The following PILRB variants were observed in gnomAD, a reference collection of about 807,000 sequenced individuals.
PILRB encodes paired immunoglobin like type 2 receptor beta, also known as paired immunoglobulin-like type 2 receptor beta.
In PILRB, 21 loss-of-function variants were observed where a neutral mutation model predicts 20.5. The ratio of observed to expected loss-of-function variants is 1.02; its 90% CI spans 0.72 to 1.47. The LOEUF is 1.47. PILRB is among the 40% of genes most tolerant of loss of function. PILRB has a pLI of 0.00. For missense variants in PILRB, 253 were observed against 272.1 expected (o/e 0.93, Z 0.49); for synonymous variants, 133 against 115.1 (o/e 1.16, Z -0.99).
At chr7:100,362,608 A>G (rs1790560770) in intron 3 of PILRB, among the ~76,000 whole-genome samples, 1 of 151,936 alleles carries the variant, frequency 6.6e-6, no homozygotes, top group Non-Finnish European at 1.5e-5. Flanking sequence ...TCCCGGGTTC[A>G]AGCGATTCTT....
chr7:100,365,011 T>C (rs1790636498), intron 3 of PILRB, among the ~76,000 whole-genome samples: 1 of 152,152 alleles, frequency 6.6e-6, no homozygotes, highest in Admixed American at 6.6e-5. Flanking sequence ...ATTTAGTTAT[T>C]TATTTTGAGA....
At chr7:100,364,716 A>C (rs1334958825) in intron 3 of PILRB, among the ~76,000 whole-genome samples, 3 of 152,200 alleles carry the variant, frequency 2.0e-5, no homozygotes, top group Admixed American at 2.0e-4. Context: ...TATCCAACCA[A>C]TTGAAAGCAG....
At chr7:100,360,083 A>G (rs1441223862) in intron 3 of PILRB, among the ~76,000 whole-genome samples, 1 of 152,124 alleles carries the variant, frequency 6.6e-6, no homozygotes, top group African/African-American at 2.4e-5. Flanking sequence ...GGATCCCCCC[A>G]ACTTCTCTCT....
At chr7:100,360,612 C>T (rs186745395) in intron 3 of PILRB, among the ~76,000 whole-genome samples, 32 of 152,092 alleles carry the variant, frequency 2.1e-4, no homozygotes, top group Non-Finnish European at 3.8e-4. Flanking sequence ...CCAGAGGCAG[C>T]GTGAGGCAGC....
At position 100,358,282 on chromosome 7, in the gene PILRB, C is replaced by G. The variant is rs373007055; in HGVS notation, c.-21C>G. 3 of 1,611,904 alleles carry G rather than the reference C, an allele frequency of 1.9e-6. No homozygotes were observed. The highest frequency in any genetic ancestry group is 3.3e-5 in the Admixed American group (2 of 59,992). On this transcript the variant is annotated 5_prime_UTR_variant, in exon 1 of 4. Coordinates refer to ENST00000609309, the MANE Select transcript of PILRB (RefSeq NM_178238.4). Reference sequence around the variant, plus strand: ...TGGACAGCTCTGCTGGTCTCCCCGTCCCCTGGAGAAGAACAAGGCCATGGG... The same window carrying G: ...TGGACAGCTCTGCTGGTCTCCCCGTGCCCTGGAGAAGAACAAGGCCATGGG...
rs765319260 is a variant in PILRB at position 100,358,733 on chromosome 7, T to C, written c.108T>C (p.Thr36=). 1 of 1,613,890 alleles carries C rather than the reference T, an allele frequency of 6.2e-7. No individual in the cohort carries two copies. ...GSGPSYLYGV[T]QPKHLSASMG... ...GTCCAAGCTACCTTTATGGGGTCAC[T>C]CAACCAAAACACCTCTCAGCCTCCA... Residue 36 remains threonine, a synonymous_variant, in exon 2 of 4, where the codon ACT becomes ACC. Transcript: ENST00000609309.
rs1790670903 is a variant in PILRB at position 100,365,949 on chromosome 7, G to GTTTTATT, written c.656-1396_656-1395insATTTTTT. ...TGGTTAGGATGGTAAATTCTAGGTG[G>GTTTTATT]TTTTTTTTTTTTTTTTTTTTTTTAG... On this transcript the variant is annotated intron_variant, in intron 3 of 3. Transcript: ENST00000609309. Among the ~76,000 whole-genome samples the GTTTTATT allele has an allele frequency of 2.3e-5, 3 of 127,824 alleles. No individual in the cohort carries two copies. The Admixed American group carries it at 2.4e-4, about 10-fold the overall frequency. The allele number at this position is 127,824 out of a possible 152,430, so 83.9% of individuals were successfully genotyped here.
chr7:100,358,479 A>G, intron 1 of PILRB, 113 bp downstream of exon 1: 1 of 1,371,026 alleles, frequency 7.3e-7, no homozygotes, highest in South Asian at 1.3e-5. Flanking sequence ...TCCAGCAAAC[A>G]AGGGCGGGTC....
intron 2 of PILRB, 125 bp downstream of exon 2, chr7:100,359,204 C>T: frequency 6.7e-7 from 1 of 1,501,450 alleles, no homozygotes; most frequent in Non-Finnish European, 9.2e-7. Context: ...CTTGCTACCC[C>T]TTCCATGTCT....
chr7:100,358,693 G>A lies in PILRB; in HGVS notation c.68G>A (p.Gly23Asp), dbSNP rs749336796. Residue 23 changes from glycine to aspartate, a missense_variant, in exon 2 of 4, where the codon GGC (glycine) becomes GAC (aspartate). Coordinates refer to ENST00000609309, the MANE Select transcript of PILRB (RefSeq NM_178238.4). ...ACTCACTCCCTCCTTCCTCTAGGTG[G>A]CTCCACAGGATCTGGTCCAAGCTAC... ...LQPPAFLQPG[G>D]STGSGPSYLY... 2.5e-6 allele frequency: 4 copies of A among 1,613,312 alleles called. No individual in the cohort carries two copies. In the South Asian group the frequency reaches 4.4e-5, roughly 18 times the overall value.
chr7:100,366,692 C>G (rs1274410412), intron 3 of PILRB, among the ~76,000 whole-genome samples: 3 of 151,818 alleles, frequency 2.0e-5, no homozygotes, highest in Admixed American at 6.6e-5. Flanking sequence ...CAGAAGGAAA[C>G]CACAGGCGCG....
rs1427275610 is a variant in PILRB at position 100,359,527 on chromosome 7, G to A, written c.645G>A (p.Arg215=). The change falls in exon 3 of 4, where the codon AGG becomes AGA. Residue 215 remains arginine (R), a synonymous_variant. Coordinates refer to ENST00000609309, the MANE Select transcript of PILRB (RefSeq NM_178238.4). The part of the protein sequence containing the change: ...GLLCLLLLWW[R]RRKGSRAPSS... The stretch of plus-strand genomic sequence containing the variant: ...TGTGCCTCCTCCTCCTGTGGTGGAG[G>A]AGAAGGAAAGGTAAGTGCCCAGAAC... 4.3e-6 allele frequency: 7 copies of A among 1,614,008 alleles called. No individual in the cohort carries two copies. Among genetic ancestry groups the A allele is most frequent in the Non-Finnish European group, 5.9e-6 (7 of 1,179,902 alleles).
chr7:100,359,207 C>T (rs905648020), intron 2 of PILRB, 128 bp downstream of exon 2: 15 of 1,500,930 alleles, frequency 1.0e-5, no homozygotes, highest in Non-Finnish European at 1.4e-5. Flanking sequence ...GCTACCCCTT[C>T]CATGTCTGGG....
chr7:100,359,431 C>G lies in PILRB; in HGVS notation c.549C>G (p.His183Gln). 1 of 1,614,146 alleles carries G rather than the reference C, an allele frequency of 6.2e-7. No individual in the cohort carries two copies. The highest frequency in any genetic ancestry group is 1.7e-5 in the Admixed American group (1 of 60,014). The change falls in exon 3 of 4, where the codon CAC becomes CAG. Residue 183 changes from histidine (H) to glutamine (Q), a missense_variant. His to Gln is a conservative substitution (Grantham distance 24, BLOSUM62 0). Coordinates refer to ENST00000609309, the MANE Select transcript of PILRB (RefSeq NM_178238.4). ...GCAAAGGGCACTCAGAATCATGGCACCTAAGTCTGGACACTGCCATCAGGG... is the reference window on the plus strand; with the variant it reads ...GCAAAGGGCACTCAGAATCATGGCAGCTAAGTCTGGACACTGCCATCAGGG... The part of the protein sequence containing the change: ...TESKGHSESW[H>Q]LSLDTAIRVA...
intron 3 of PILRB, among the ~76,000 whole-genome samples, chr7:100,360,289 T>G (rs1162225997): frequency 6.6e-6 from 1 of 152,160 alleles, no homozygotes; most frequent in South Asian, 2.1e-4. Flanking sequence ...CTCAGGGAAC[T>G]GGGGGTGTGG....
At chr7:100,361,623 G>A (rs544650648) in intron 3 of PILRB, among the ~76,000 whole-genome samples, 28 of 152,314 alleles carry the variant, frequency 1.8e-4, no homozygotes, top group Non-Finnish European at 3.2e-4. Flanking sequence ...AACCCAGGAG[G>A]TGGAGGCTGC....
At chr7:100,362,674 A>G (rs1368771152) in intron 3 of PILRB, among the ~76,000 whole-genome samples, 1 of 151,990 alleles carries the variant, frequency 6.6e-6, no homozygotes, top group Admixed American at 6.6e-5. Context: ...ATGCCCGGCT[A>G]ATTTTTGTAT....
chr7:100,359,916 A>G (rs1003856303), intron 3 of PILRB, among the ~76,000 whole-genome samples: 30 of 152,180 alleles, frequency 2.0e-4, no homozygotes, highest in African/African-American at 7.2e-4. Context: ...CCAGCTACTC[A>G]GGAGGCTGAG....
chr7:100,359,623 A>ATTTC, intron 3 of PILRB, 86 bp downstream of exon 3: 1 of 1,153,334 alleles, frequency 8.7e-7, no homozygotes, highest in Non-Finnish European at 1.3e-6. Context: ...CTTCAGAAAT[A>ATTTC]TGCAGACCCT....
Sources: allele counts gnomAD v4.1 joint callset (sites outside exome capture counted in the v4.1 genomes callset), GRCh38; gene constraint gnomAD v4.1.1; transcripts MANE v1.5; gene names NCBI Gene and HGNC (gene_info 2026-07-23, HGNC 2026-07-21).